The following MAGEB17 variants were observed in gnomAD, a reference collection of about 807,000 sequenced individuals.
MAGEB17 encodes the protein MAGE family member B17.
For synonymous variants in MAGEB17, 110 were observed against 112.4 expected, an observed-to-expected ratio of 0.98 and a Z score of 0.13; for missense variants, 251 against 281.4, an observed-to-expected ratio of 0.89 and a Z score of 0.77.
rs1001972277 is a variant in MAGEB17, at chrX:16,170,766, G to A, written c.384G>A (p.Glu128=). 4 of 1,167,368 alleles carry A rather than the reference G, an allele frequency of 3.4e-6. No homozygotes were observed. The highest frequency in any genetic ancestry group is 4.6e-6 in the Non-Finnish European group (4 of 873,155). ...QFLLNKYIRK[E]PITREAMLKV... Reference sequence around the variant, plus strand: ...TCCTCAACAAGTATATAAGGAAAGAGCCCATTACGAGGGAAGCCATGCTGA... The same window carrying A: ...TCCTCAACAAGTATATAAGGAAAGAACCCATTACGAGGGAAGCCATGCTGA... Residue 128 remains glutamate, a synonymous_variant, in exon 2 of 2, where the codon GAG becomes GAA. Coordinates refer to ENST00000400004, the MANE Select transcript of MAGEB17 (RefSeq NM_001277307.2).
rs1296908545 is a variant in MAGEB17 at position 16,170,392 on chromosome X, G to A, written c.10G>A (p.Gly4Ser). MPR[G>S]QASKRRAREK... Reference sequence around the variant, plus strand: ...CCTAAGCACAGTCATCATGCCTCGCGGTCAGGCGAGTAAGCGCCGTGCCCG... The same window carrying A: ...CCTAAGCACAGTCATCATGCCTCGCAGTCAGGCGAGTAAGCGCCGTGCCCG... Residue 4 changes from glycine (G) to serine (S), a missense_variant, in exon 2 of 2, where the codon GGT becomes AGT. Transcript: ENST00000400004. The A allele has an allele frequency of 2.6e-6, 3 of 1,160,526 alleles. No homozygotes were observed. The highest frequency in any genetic ancestry group is 1.8e-5 in the African/African-American group (1 of 56,164).
In MAGEB17 at chrX:16,170,374, A is replaced by G. The variant is rs1239082246; in HGVS notation, c.-9A>G. The G allele has an allele frequency of 3.5e-6, 4 of 1,151,633 alleles. No individual in the cohort carries two copies. The highest frequency in any genetic ancestry group is 4.6e-6 in the Non-Finnish European group (4 of 864,817). The allele number at this position is 1,151,633 out of a possible 1,213,427, so 94.9% of individuals were successfully genotyped here. ...ACCCTCTTGCCTGCTGCCCCTAAGC[A>G]CAGTCATCATGCCTCGCGGTCAGGC... On this transcript the variant is annotated 5_prime_UTR_variant, in exon 2 of 2. Transcript: ENST00000400004.
At position 16,170,512 on chromosome X, in the gene MAGEB17, C is replaced by T. The variant is rs753267798; in HGVS notation, c.130C>T (p.Pro44Ser). Residue 44 changes from proline to serine, a missense_variant, in exon 2 of 2, where the codon CCT becomes TCT. Coordinates refer to ENST00000400004, the MANE Select transcript of MAGEB17 (RefSeq NM_001277307.2). Reference protein sequence around the residue: ...EKEKLPSSSSPACQSPPQSFP... With the variant: ...EKEKLPSSSSSACQSPPQSFP... ...GGAAAAGCTGCCATCCTCCTCCTCT[C>T]CTGCATGCCAGAGTCCTCCCCAGAG... The T allele has an allele frequency of 8.6e-7, 1 of 1,167,379 alleles. No homozygotes were observed. The highest frequency in any genetic ancestry group is 1.9e-5 in the South Asian group (1 of 52,746).
rs755982931 is a variant in MAGEB17 at position 16,171,341 on chromosome X, C to A, written c.959C>A (p.Ala320Glu). The A allele has an allele frequency of 1.7e-6, 2 of 1,158,959 alleles. No individual in the cohort carries two copies. Among genetic ancestry groups the A allele is most frequent in the Admixed American group, 2.6e-5 (1 of 38,108 alleles). ...GAGGAAGAGCAAGCCAGAGCCAGAG[C>A]GGTAGCCAGGGATAGCGCCAGGGCC... ...REEEEQARARAVARDSARARA... is the reference protein window; with the variant it reads ...REEEEQARAREVARDSARARA... Residue 320 changes from alanine (A) to glutamate (E), a missense_variant, in exon 2 of 2, where the codon GCG (alanine) becomes GAG (glutamate). Transcript: ENST00000400004.
chrX:16,167,729 G>A lies in MAGEB17; in HGVS notation c.-104G>A, dbSNP rs370283683. 1.6e-3 allele frequency: 184 copies of A among 112,235 alleles called. No homozygotes were observed. The highest frequency in any genetic ancestry group is 5.3e-3 in the African/African-American group (163 of 30,906). The allele number at this position is 112,235 out of a possible 1,213,427, so 9.2% of individuals were successfully genotyped here. ...GAAGCTGCCGGAAGTGAGGATCTTCGTCTGAGGGACGCCACCTCAGGCTAC... is the reference window on the plus strand; with the variant it reads ...GAAGCTGCCGGAAGTGAGGATCTTCATCTGAGGGACGCCACCTCAGGCTAC... On this transcript the variant is annotated 5_prime_UTR_variant, in exon 1 of 2. Coordinates refer to ENST00000400004, the MANE Select transcript of MAGEB17 (RefSeq NM_001277307.2).
At chrX:16,169,375 G>A (rs7890717) in intron 1 of MAGEB17, among the ~76,000 whole-genome samples, 5,980 of 111,792 alleles carry the variant, frequency 0.053, 389 homozygotes, top group African/African-American at 0.18. Flanking sequence ...TGAAGACCCT[G>A]AGGACCAAGG....
Position 16,171,175 on chromosome X carries a change from G to A in MAGEB17, c.793G>A (p.Asp265Asn), listed in dbSNP as rs757581615. The A allele has an allele frequency of 2.3e-5, 28 of 1,208,908 alleles. No homozygotes were observed. Among genetic ancestry groups the A allele is most frequent in the Middle Eastern group, 2.3e-4 (1 of 4,372 alleles). The change falls in exon 2 of 2, where the codon GAT becomes AAT. Residue 265 changes from aspartate (D) to asparagine (N), a missense_variant. Transcript: ENST00000400004. ...YLEYQQVPSS[D>N]PPRYEFLWGP... ...GGAGTACCAGCAGGTGCCCAGCAGC[G>A]ATCCTCCACGCTACGAGTTCCTGTG...
chrX:16,171,271 G>A lies in MAGEB17; in HGVS notation c.889G>A (p.Val297Ile), dbSNP rs1390017150. ...LEFVAKLNDT[V>I]ASTYKSRYEE... ...GTTTGTGGCCAAGCTCAATGATACC[G>A]TTGCCAGTACCTACAAGTCCCGGTA... The change falls in exon 2 of 2, where the codon GTT (valine) becomes ATT (isoleucine). Residue 297 changes from valine (V) to isoleucine (I), a missense_variant. By Grantham distance (29) the Val-to-Ile change is conservative (BLOSUM62 3). Transcript: ENST00000400004. 8.3e-6 allele frequency: 10 copies of A among 1,208,321 alleles called. No individual in the cohort carries two copies. Among genetic ancestry groups the A allele is most frequent in the South Asian group, 3.6e-5 (2 of 56,329 alleles).
At position 16,171,087 on chromosome X, in the gene MAGEB17, G is replaced by A; in HGVS notation, c.705G>A (p.Lys235=). 8.4e-7 allele frequency: 1 copy of A among 1,194,944 alleles called. No individual in the cohort carries two copies. The highest frequency in any genetic ancestry group is 3.0e-5 in the East Asian group (1 of 33,116). ...CATTGGGGATGTATAAGGGTAGGAA[G>A]CACTTCATCTATGGGGAGCCCCAGG... is the stretch of plus-strand genomic sequence containing the variant. ...LNALGMYKGR[K]HFIYGEPQEL... The change falls in exon 2 of 2, where the codon AAG becomes AAA. Residue 235 remains lysine (K), a synonymous_variant. Transcript: ENST00000400004.
chrX:16,168,241 G>C (rs999933452), intron 1 of MAGEB17, among the ~76,000 whole-genome samples: 1 of 111,399 alleles, frequency 9.0e-6, no homozygotes, highest in Non-Finnish European at 1.9e-5. Context: ...AGCGACTCGG[G>C]AGGCTGAGGC....
chrX:16,171,416 TAA>T lies in MAGEB17; in HGVS notation c.*24_*25del. On this transcript the variant is annotated 3_prime_UTR_variant, in exon 2 of 2. Transcript: ENST00000400004. ...TAGTGAAGTCTCAGGCAATCCTCAC[TAA>T]GAGATTGAAAAGCCTGTCCACCATC... is the stretch of plus-strand genomic sequence containing the variant. 1.9e-6 allele frequency: 2 copies of T among 1,079,841 alleles called. No individual in the cohort carries two copies. Among genetic ancestry groups the T allele is most frequent in the Non-Finnish European group, 2.4e-6 (2 of 832,164 alleles). 89.0% of individuals were successfully genotyped at this position (1,079,841 alleles called of 1,213,427 possible).
At position 16,171,423 on chromosome X, in the gene MAGEB17, T is replaced by C. The variant is rs1250739262; in HGVS notation, c.*30T>C. ...GTCTCAGGCAATCCTCACTAAGAGA[T>C]TGAAAAGCCTGTCCACCATCTCAGT... is the stretch of plus-strand genomic sequence containing the variant. On this transcript the variant is annotated 3_prime_UTR_variant, in exon 2 of 2. Transcript: ENST00000400004. 9 of 1,074,763 alleles carry C rather than the reference T, an allele frequency of 8.4e-6. No individual in the cohort carries two copies. The highest frequency in any genetic ancestry group is 3.4e-5 in the East Asian group (1 of 29,795). 88.6% of individuals were successfully genotyped at this position (1,074,763 alleles called of 1,213,427 possible).
rs1289496100 is a variant in MAGEB17 at position 16,170,547 on chromosome X, T to C, written c.165T>C (p.Asn55=). 1 of 1,167,062 alleles carries C rather than the reference T, an allele frequency of 8.6e-7. No individual in the cohort carries two copies. Among genetic ancestry groups the C allele is most frequent in the Non-Finnish European group, 1.1e-6 (1 of 873,055 alleles). Residue 55 remains asparagine (N), a synonymous_variant, in exon 2 of 2, where the codon AAT becomes AAC. Transcript: ENST00000400004. ...ACQSPPQSFP[N]AGIPQESQRA... ...AGAGTCCTCCCCAGAGCTTCCCCAA[T>C]GCAGGCATTCCTCAGGAGTCCCAGA...
Position 16,170,696 on chromosome X carries a change from G to A in MAGEB17, c.314G>A (p.Gly105Glu), listed in dbSNP as rs1278687496. 4 of 1,165,816 alleles carry A rather than the reference G, an allele frequency of 3.4e-6. No homozygotes were observed. The highest frequency in any genetic ancestry group is 4.6e-6 in the Non-Finnish European group (4 of 872,893). ...GGCCCGTCCTCCTCTGAGAGCACAG[G>A]AAGAGATCTTCTGAACACGAAGACG... ...FHGPSSSESTGRDLLNTKTGE... is the reference protein window; with the variant it reads ...FHGPSSSESTERDLLNTKTGE... The change falls in exon 2 of 2, where the codon GGA becomes GAA. Residue 105 changes from glycine (G) to glutamate (E), a missense_variant. By Grantham distance (98) the Gly-to-Glu change is moderately conservative. Coordinates refer to ENST00000400004, the MANE Select transcript of MAGEB17 (RefSeq NM_001277307.2).
rs1171336238 is a variant in MAGEB17 at position 16,171,049 on chromosome X, G to A, written c.667G>A (p.Glu223Lys). The change falls in exon 2 of 2, where the codon GAA becomes AAA. Residue 223 changes from glutamate to lysine, a missense_variant. Coordinates refer to ENST00000400004, the MANE Select transcript of MAGEB17 (RefSeq NM_001277307.2). ...CCGTGCCACTGAGGAAGAGATGTGG[G>A]AATGCCTGAATGCATTGGGGATGTA... is the stretch of plus-strand genomic sequence containing the variant. ...GNRATEEEMW[E>K]CLNALGMYKG... 8.5e-7 allele frequency: 1 copy of A among 1,171,932 alleles called. No homozygotes were observed. The highest frequency in any genetic ancestry group is 1.1e-6 in the Non-Finnish European group (1 of 875,607).
chrX:16,170,407 C>G lies in MAGEB17; in HGVS notation c.25C>G (p.Arg9Gly). ...CATGCCTCGCGGTCAGGCGAGTAAG[C>G]GCCGTGCCCGTGAGAAACGCCGCCA... MPRGQASK[R>G]RAREKRRQAR... Residue 9 changes from arginine (R) to glycine (G), a missense_variant, in exon 2 of 2, where the codon CGC becomes GGC. Arg to Gly is a moderately radical substitution (Grantham distance 125). Transcript: ENST00000400004. 8.6e-7 allele frequency: 1 copy of G among 1,164,736 alleles called. No individual in the cohort carries two copies. Among genetic ancestry groups the G allele is most frequent in the Non-Finnish European group, 1.1e-6 (1 of 871,687 alleles).
Position 16,170,591 on chromosome X carries a change from C to A in MAGEB17, c.209C>A (p.Ser70Tyr). The change falls in exon 2 of 2, where the codon TCT becomes TAT. Residue 70 changes from serine to tyrosine, a missense_variant. Coordinates refer to ENST00000400004, the MANE Select transcript of MAGEB17 (RefSeq NM_001277307.2). ...QESQRASYPS[S>Y]PASAVSLTSS... ...TCCCAGAGAGCCAGCTACCCCAGCTCTCCTGCTTCAGCTGTTTCACTCACA... is the reference window on the plus strand; with the variant it reads ...TCCCAGAGAGCCAGCTACCCCAGCTATCCTGCTTCAGCTGTTTCACTCACA... 8.6e-7 allele frequency: 1 copy of A among 1,167,295 alleles called. No individual in the cohort carries two copies. Among genetic ancestry groups the A allele is most frequent in the Non-Finnish European group, 1.1e-6 (1 of 873,132 alleles).
rs1302189404 is a variant in MAGEB17, at chrX:16,171,152, A to C, written c.770A>C (p.Glu257Ala). 1 of 1,209,573 alleles carries C rather than the reference A, an allele frequency of 8.3e-7. No individual in the cohort carries two copies. Among genetic ancestry groups the C allele is most frequent in the African/African-American group, 1.7e-5 (1 of 57,223 alleles). The change falls in exon 2 of 2, where the codon GAG becomes GCG. Residue 257 changes from glutamate (E) to alanine (A), a missense_variant. Glu to Ala is a moderately radical substitution (Grantham distance 107). Coordinates refer to ENST00000400004, the MANE Select transcript of MAGEB17 (RefSeq NM_001277307.2). ...GATTTGGTGCGAGAGGGGTACCTGG[A>C]GTACCAGCAGGTGCCCAGCAGCGAT... ...TKDLVREGYL[E>A]YQQVPSSDPP... is the part of the protein sequence containing the mutation.
At position 16,170,336 on chromosome X, in the gene MAGEB17, G is replaced by A. The variant is rs1208845034; in HGVS notation, c.-47G>A. 6.2e-6 allele frequency: 7 copies of A among 1,125,658 alleles called. No homozygotes were observed. In the East Asian group the frequency reaches 2.0e-4, roughly 32 times the overall value. 92.8% of individuals were successfully genotyped at this position (1,125,658 alleles called of 1,213,427 possible). A position where few individuals can be genotyped will look rare whatever the true frequency, so the allele number is the denominator to read the frequency against. On this transcript the variant is annotated splice_region_variant and 5_prime_UTR_variant, in exon 2 of 2. Coordinates refer to ENST00000400004, the MANE Select transcript of MAGEB17 (RefSeq NM_001277307.2). ...ACACTCTGTTCCTCCTGCTCCAGGTGCCCACCTCCTGCACCCTCTTGCCTG... is the reference window on the plus strand; with the variant it reads ...ACACTCTGTTCCTCCTGCTCCAGGTACCCACCTCCTGCACCCTCTTGCCTG...
Sources: allele counts gnomAD v4.1 joint callset (sites outside exome capture counted in the v4.1 genomes callset), GRCh38; gene constraint gnomAD v4.1.1; transcripts MANE v1.5; gene names NCBI Gene and HGNC (gene_info 2026-07-23, HGNC 2026-07-21).